LCORL: variants seen among roughly 807,000 people sequenced by gnomAD.
The protein encoded by LCORL is ligand-dependent nuclear receptor corepressor-like protein.
In LCORL, 41 loss-of-function variants were observed where a neutral mutation model predicts 141.8. That is an observed-to-expected ratio of 0.29 (90% CI 0.23 to 0.38). LCORL has a LOEUF of 0.38. Among genes scored for constraint, LCORL ranks in the 10% least tolerant of loss-of-function variants. The pLI is 1.00. For missense variants in LCORL, 1,759 were observed against 2,035.0 expected, an observed-to-expected ratio of 0.86 and a Z score of 2.61; for synonymous variants, 618 against 694.1, an observed-to-expected ratio of 0.89 and a Z score of 1.72.
chr4:17,979,907 T>G (rs1479293653), intron 1 of LCORL, among the ~76,000 whole-genome samples: 3 of 151,538 alleles, frequency 2.0e-5, no homozygotes, highest in Non-Finnish European at 4.4e-5. Flanking sequence ...GGCAGAGGAG[T>G]CAGAAAAAGA....
intron 5 of LCORL, chr4:17,893,346 G>T: frequency 1.1e-6 from 1 of 934,428 alleles, no homozygotes; most frequent in Non-Finnish European, 1.3e-6. Context: ...CACAATATGT[G>T]ATCCTTCCAT....
intron 1 of LCORL, among the ~76,000 whole-genome samples, chr4:17,990,345 C>T (rs376110723): frequency 8.0e-4 from 122 of 151,846 alleles, no homozygotes; most frequent in African/African-American, 2.1e-3. Flanking sequence ...GTGATCCACC[C>T]GCCTCGGCCT....
chr4:17,878,001 T>C, exon 7 of LCORL: 4 of 1,230,606 alleles, frequency 3.3e-6, no homozygotes, highest in Non-Finnish European at 4.1e-6. Flanking sequence ...ACATAAATCA[T>C]CTTCGATTAA....
At chr4:17,870,158 T>TA (rs1366289843) in intron 7 of LCORL, among the ~76,000 whole-genome samples, 4 of 152,032 alleles carry the variant, frequency 2.6e-5, no homozygotes, top group South Asian at 2.1e-4. Context: ...TGCTCTTTTT[T>TA]AAAAAAAATT....
At chr4:17,878,679 G>A (rs961695162) in intron 6 of LCORL, among the ~76,000 whole-genome samples, 9 of 151,200 alleles carry the variant, frequency 6.0e-5, no homozygotes, top group Non-Finnish European at 1.0e-4. Flanking sequence ...AATAATAAAA[G>A]CTTTCCATAA....
chr4:17,861,729 G>C (rs1004060927), intron 7 of LCORL, among the ~76,000 whole-genome samples: 5 of 152,082 alleles, frequency 3.3e-5, no homozygotes, highest in African/African-American at 1.2e-4. Context: ...GCCTTTAACA[G>C]CACCCAAGTT....
At chr4:17,959,458 C>G (rs1186386697) in intron 4 of LCORL, among the ~76,000 whole-genome samples, 3 of 151,922 alleles carry the variant, frequency 2.0e-5, no homozygotes, top group Non-Finnish European at 4.4e-5. Flanking sequence ...CAGTTCCTAC[C>G]TGTTAAACAG....
intron 7 of LCORL, among the ~76,000 whole-genome samples, chr4:17,846,840 A>T (rs1342185288): frequency 2.0e-5 from 3 of 152,296 alleles, no homozygotes; most frequent in East Asian, 1.9e-4. Flanking sequence ...TGCTCTCAGT[A>T]AAACATTGCA....
exon 8 of LCORL, chr4:17,843,137 C>A (rs1173594878): frequency 6.3e-6 from 4 of 637,044 alleles, no homozygotes; most frequent in African/African-American, 1.8e-5. Context: ...ATAGCCAAGT[C>A]AGTGTTTTTT....
At chr4:17,974,767 C>A (rs1716615260) in intron 1 of LCORL, among the ~76,000 whole-genome samples, 1 of 151,936 alleles carries the variant, frequency 6.6e-6, no homozygotes, top group Non-Finnish European at 1.5e-5. Context: ...AATCATAAGC[C>A]CAGTTTTTAA....
chr4:17,912,131 T>C (rs953942129), intron 4 of LCORL: 23 of 949,702 alleles, frequency 2.4e-5, no homozygotes, highest in African/African-American at 1.6e-5. Context: ...GCAAATACTG[T>C]GGACAATGCC....
In LCORL at chr4:18,021,668, C is replaced by G. The variant is rs1300868828; in HGVS notation, c.84G>C (p.Arg28=). 1.3e-6 allele frequency: 2 copies of G among 1,545,434 alleles called. No individual in the cohort carries two copies. Among genetic ancestry groups the G allele is most frequent in the Admixed American group, 3.9e-5 (2 of 50,638 alleles). Residue 28 remains arginine, a synonymous_variant, in exon 1 of 8, where the codon CGG becomes CGC. Coordinates refer to ENST00000635767, the Ensembl canonical transcript of LCORL. This position sits in a 1 kb window ranked among gnomAD's most constrained non-coding sequence, Gnocchi z 5.5. ...GGAATCCTCTTCTCTCCGCCGCGCACCGAGGGCTCCGGCACTGAGCGGCGG... is the reference window on the plus strand; with the variant it reads ...GGAATCCTCTTCTCTCCGCCGCGCAGCGAGGGCTCCGGCACTGAGCGGCGG...
intron 7 of LCORL, among the ~76,000 whole-genome samples, chr4:17,863,641 T>C (rs1289110928): frequency 6.6e-6 from 1 of 152,234 alleles, no homozygotes; most frequent in Non-Finnish European, 1.5e-5. Flanking sequence ...ATCCCATTAC[T>C]GGGTATATAC....
At chr4:17,994,737 T>C (rs933745440) in intron 1 of LCORL, among the ~76,000 whole-genome samples, 2 of 151,454 alleles carry the variant, frequency 1.3e-5, no homozygotes, top group African/African-American at 4.9e-5. Context: ...GAGAAAAGAG[T>C]TGCGCCCTCA....
chr4:17,895,691 G>A (rs1260143432), intron 5 of LCORL, among the ~76,000 whole-genome samples: 2 of 152,132 alleles, frequency 1.3e-5, no homozygotes, highest in African/African-American at 4.8e-5. Flanking sequence ...GCACCCTTGG[G>A]CGACTGCTCT....
intron 7 of LCORL, among the ~76,000 whole-genome samples, chr4:17,846,348 G>A (rs950107058): frequency 7.2e-5 from 11 of 152,082 alleles, no homozygotes; most frequent in Admixed American, 2.0e-4. Context: ...AAGTAAGGTT[G>A]GTATGCTTAT....
At chr4:17,976,626 C>T (rs1469087457) in intron 1 of LCORL, among the ~76,000 whole-genome samples, 1 of 152,134 alleles carries the variant, frequency 6.6e-6, no homozygotes, top group Non-Finnish European at 1.5e-5. Flanking sequence ...TTTAAATTTA[C>T]TCACAATGTC....
At chr4:17,849,303 G>A (rs1407383723) in intron 7 of LCORL, among the ~76,000 whole-genome samples, 12 of 152,232 alleles carry the variant, frequency 7.9e-5, no homozygotes, top group East Asian at 7.7e-4. Flanking sequence ...CACCTCACAC[G>A]GCCGGGTACT....
intron 4 of LCORL, among the ~76,000 whole-genome samples, chr4:17,928,766 C>T (rs1735553899): frequency 6.6e-6 from 1 of 152,092 alleles, no homozygotes; most frequent in African/African-American, 2.4e-5. Context: ...ATAAATAAGA[C>T]ATCTGGATTG....
Sources: gnomAD v4.1 joint callset for allele counts (sites outside exome capture counted in the v4.1 genomes callset) on GRCh38, gnomAD v4.1.1 for gene constraint, Gnocchi (gnomAD v3.1) non-coding constraint, MANE v1.5 for transcripts, NCBI Gene and HGNC (gene_info 2026-07-23, HGNC 2026-07-21) for gene names.